SPEF1: variants seen among roughly 807,000 people sequenced by gnomAD.
SPEF1 encodes the protein sperm flagellar and cilia associated 1.
SPEF1 carries 30 observed loss-of-function variants against 31.8 expected under a neutral mutation model. The ratio of observed to expected loss-of-function variants is 0.94; its 90% CI spans 0.70 to 1.28. The LOEUF is 1.28. SPEF1 is among the 50% of genes most tolerant of loss of function. The probability of loss-of-function intolerance (pLI) is 0.00; values close to 1 mark genes in which losing one functional copy is unlikely to be tolerated. For missense variants in SPEF1, 298 were observed against 309.6 expected (o/e 0.96, Z 0.28); for synonymous variants, 126 against 130.1 (o/e 0.97, Z 0.21).
rs1336930026 is a variant in SPEF1, at chr20:3,778,166, G to A, written c.*46C>T. On this transcript the variant is annotated 3_prime_UTR_variant, in exon 7 of 7. Transcript: ENST00000379756. ...GTGGGTGGGTCCGGCGCGGCGTCGG[G>A]GCTCTGGCGGGTACCCGGGCGTCCC... 7.3e-7 allele frequency: 1 copy of A among 1,369,072 alleles called. No homozygotes were observed. The highest frequency in any genetic ancestry group is 2.6e-5 in the Admixed American group (1 of 38,716). The allele number at this position is 1,369,072 out of a possible 1,614,324, so 84.8% of individuals were successfully genotyped here.
At position 3,779,297 on chromosome 20, in the gene SPEF1, C is replaced by T. The variant is rs773170379; in HGVS notation, c.277G>A (p.Ala93Thr). 1 of 1,599,700 alleles carries T rather than the reference C, an allele frequency of 6.3e-7. No homozygotes were observed. Among genetic ancestry groups the T allele is most frequent in the Non-Finnish European group, 8.5e-7 (1 of 1,172,202 alleles). Residue 93 changes from alanine (A) to threonine (T), a missense_variant, in exon 3 of 7, where the codon GCG (alanine) becomes ACG (threonine). By Grantham distance (58) the Ala-to-Thr change is moderately conservative. Transcript: ENST00000379756. The part of the protein sequence containing the change: ...SVPDDVMRKI[A>T]QCAPGVVELV... ...TCCACCACGCCTGGGGCGCACTGCG[C>T]GATCTTGCGCATCACGTCATCCGGT...
intron 1 of SPEF1, among the ~76,000 whole-genome samples, chr20:3,780,874 G>A (rs1445896610): frequency 2.0e-5 from 3 of 152,082 alleles, no homozygotes; most frequent in Admixed American, 2.0e-4. Flanking sequence ...AGCAATGAGT[G>A]AGCACATACA....
intron 5 of SPEF1, 91 bp downstream of exon 5, chr20:3,778,655 C>T: frequency 6.3e-7 from 1 of 1,578,728 alleles, no homozygotes; most frequent in East Asian, 2.3e-5. Flanking sequence ...TTCCTGCCTC[C>T]CGTCTCAGGC....
intron 1 of SPEF1, among the ~76,000 whole-genome samples, chr20:3,780,044 T>C (rs748162082): frequency 6.6e-6 from 1 of 152,086 alleles, no homozygotes; most frequent in Non-Finnish European, 1.5e-5. Flanking sequence ...GGTCCTCCAG[T>C]AGAGAATGAG....
intron 1 of SPEF1, 71 bp from the exon 2 acceptor site, chr20:3,779,846 G>A: frequency 1.8e-6 from 1 of 565,394 alleles, no homozygotes; most frequent in Non-Finnish European, 3.3e-6. Flanking sequence ...AGAAGGTGGG[G>A]GTGGGAGAAT....
chr20:3,778,352 G>A (rs755976411), intron 6 of SPEF1, 33 bp from the exon 7 acceptor site: 18 of 1,612,516 alleles, frequency 1.1e-5, no homozygotes, highest in Non-Finnish European at 1.4e-5. Context: ...CAAGCCTGGC[G>A]GTCTGCTCCC....
At position 3,781,360 on chromosome 20, in the gene SPEF1, C is replaced by A; in HGVS notation, c.-73G>T. The A allele has an allele frequency of 6.5e-7, 1 of 1,549,698 alleles. No individual in the cohort carries two copies. Among genetic ancestry groups the A allele is most frequent in the South Asian group, 1.2e-5 (1 of 85,726 alleles). On this transcript the variant is annotated 5_prime_UTR_variant, in exon 1 of 7. The change creates a new upstream start codon in the 5' untranslated region. Transcript: ENST00000379756. ...AGCCTCACGACCCTTCAGGCGCTTC[C>A]TTTCTCGCCACTGCAGAAGCCCATA...
chr20:3,779,300 T>C lies in SPEF1; in HGVS notation c.274A>G (p.Ile92Val), dbSNP rs200779040. 2,061 of 1,600,556 alleles carry C rather than the reference T, an allele frequency of 1.3e-3. 4 individuals carry two copies. The highest frequency in any genetic ancestry group is 1.4e-3 in the Non-Finnish European group (1,587 of 1,172,620). ...ACCACGCCTGGGGCGCACTGCGCGA[T>C]CTTGCGCATCACGTCATCCGGTACT... ...FSVPDDVMRK[I>V]AQCAPGVVEL... The change falls in exon 3 of 7, where the codon ATC becomes GTC. Residue 92 changes from isoleucine (I) to valine (V), a missense_variant. Coordinates refer to ENST00000379756, the MANE Select transcript of SPEF1 (RefSeq NM_015417.5).
At chr20:3,781,129 T>C (rs1443119104) in intron 1 of SPEF1, 50 bp downstream of exon 1, 1 of 1,602,480 alleles carries the variant, frequency 6.2e-7, no homozygotes, top group East Asian at 2.2e-5. Context: ...CAGAGACCCG[T>C]TACACACGAA....
intron 2 of SPEF1, 122 bp from the exon 3 acceptor site, chr20:3,779,474 G>T: frequency 1.1e-6 from 1 of 948,424 alleles, no homozygotes; most frequent in Non-Finnish European, 1.6e-6. Flanking sequence ...GAGTGAAAGC[G>T]CATCGCATCT....
At chr20:3,779,801 A>C (rs2088769042) in intron 1 of SPEF1, 26 bp from the exon 2 acceptor site, 3 of 997,542 alleles carry the variant, frequency 3.0e-6, no homozygotes, top group East Asian at 7.2e-5. Flanking sequence ...GCAGACATGG[A>C]AAGTGGGGGC....
Position 3,778,301 on chromosome 20 carries a change from T to C in SPEF1, c.622A>G (p.Arg208Gly). Reference sequence around the variant, plus strand: ...AGCTGGAGCAGGTGCTCCAGGCGCCTTACCTTCATCTGCAGGACCTAAGCC... The same window carrying C: ...AGCTGGAGCAGGTGCTCCAGGCGCCCTACCTTCATCTGCAGGACCTAAGCC... ...ETVQVLQMKV[R>G]RLEHLLQLKN... The change falls in exon 7 of 7, where the codon AGG becomes GGG. Residue 208 changes from arginine to glycine, a missense_variant. Transcript: ENST00000379756. 1 of 1,612,608 alleles carries C rather than the reference T, an allele frequency of 6.2e-7. No homozygotes were observed. Among genetic ancestry groups the C allele is most frequent in the East Asian group, 2.2e-5 (1 of 44,806 alleles).
chr20:3,779,817 TAAGGA>T, intron 1 of SPEF1, 42 bp from the exon 2 acceptor site: 1 of 751,114 alleles, frequency 1.3e-6, no homozygotes, highest in Non-Finnish European at 2.0e-6. Flanking sequence ...GGGGCATGGG[TAAGGA>T]AGGAGGAGGT....
chr20:3,779,408 A>C, intron 2 of SPEF1, 56 bp from the exon 3 acceptor site: 1 of 1,428,312 alleles, frequency 7.0e-7, no homozygotes, highest in Non-Finnish European at 9.7e-7. Flanking sequence ...AAGCGAGGGG[A>C]TGGGGGAGAG....
Position 3,777,918 on chromosome 20 carries a change from G to A in SPEF1, c.*294C>T, listed in dbSNP as rs2088754427. ...CAAGGTGTTGGACACTGCTTTGGGG[G>A]ACAGGCTAGGTCTCTGCACGTGGCT... is the stretch of plus-strand genomic sequence containing the variant. On this transcript the variant is annotated 3_prime_UTR_variant, in exon 7 of 7. Transcript: ENST00000379756. The surrounding 1 kb of genome is among the most constrained non-coding windows in gnomAD (Gnocchi z 4.1). 2.9e-6 allele frequency: 1 copy of A among 348,876 alleles called. No homozygotes were observed. Among genetic ancestry groups the A allele is most frequent in the African/African-American group, 2.2e-5 (1 of 46,152 alleles). The allele number at this position is 348,876 out of a possible 1,614,324, so 21.6% of individuals were successfully genotyped here.
At chr20:3,778,667 C>T in intron 5 of SPEF1, 79 bp downstream of exon 5, 2 of 1,588,798 alleles carry the variant, frequency 1.3e-6, no homozygotes, top group South Asian at 1.1e-5. Context: ...GTCTCAGGCT[C>T]AGCGTACCGT....
intron 1 of SPEF1, among the ~76,000 whole-genome samples, chr20:3,780,416 G>GCACACACA (rs55996387): frequency 8.3e-4 from 115 of 137,902 alleles, no homozygotes; most frequent in African/African-American, 2.7e-3. Flanking sequence ...GATGCATGAT[G>GCACACACA]CACACACACA....
chr20:3,779,416 G>A, intron 2 of SPEF1, 64 bp from the exon 3 acceptor site: 2 of 1,382,598 alleles, frequency 1.4e-6, no homozygotes, highest in Non-Finnish European at 1.0e-6. Flanking sequence ...GGATGGGGGA[G>A]AGGGAAGGGG....
At chr20:3,778,866 C>T in intron 4 of SPEF1, 60 bp from the exon 5 acceptor site, 1 of 1,610,952 alleles carries the variant, frequency 6.2e-7, no homozygotes, top group Non-Finnish European at 8.5e-7. Flanking sequence ...GCTTCCCCCT[C>T]CCTACTTCCA....
Sources: allele counts gnomAD v4.1 joint callset (sites outside exome capture counted in the v4.1 genomes callset), GRCh38; gene constraint gnomAD v4.1.1; non-coding constraint Gnocchi (gnomAD v3.1); transcripts MANE v1.5; gene names NCBI Gene and HGNC (gene_info 2026-07-23, HGNC 2026-07-21).